The following NELL2 variants were observed in gnomAD, a reference collection of about 807,000 sequenced individuals.
NELL2 encodes protein kinase C-binding protein NELL2.
Under a neutral mutation model 109.6 loss-of-function variants are expected in NELL2, and 41 were observed. That is an observed-to-expected ratio of 0.37 (90% confidence interval 0.29 to 0.49). NELL2 has a LOEUF of 0.49. Among genes scored for constraint, NELL2 ranks in the 20% least tolerant of loss-of-function variants. The pLI, the probability that NELL2 is intolerant of heterozygous loss-of-function variation, is 0.98. For synonymous variants in NELL2, 355 were observed against 344.7 expected, an observed-to-expected ratio of 1.03 and a Z score of -0.33; for missense variants, 900 against 1,008.3, an observed-to-expected ratio of 0.89 and a Z score of 1.45.
At chr12:44,791,937 T>G (rs1942450773) in intron 3 of NELL2, among the ~76,000 whole-genome samples, 2 of 145,586 alleles carry the variant, frequency 1.4e-5, no homozygotes, top group Admixed American at 7.0e-5. Flanking sequence ...GCATAGGGAT[T>G]CCCTAGGGAA....
chr12:44,573,705 A>G (rs746452531), intron 15 of NELL2, among the ~76,000 whole-genome samples: 1 of 152,256 alleles, frequency 6.6e-6, no homozygotes, highest in Non-Finnish European at 1.5e-5. Context: ...AGTGATTAGA[A>G]TGAAACTAAT....
At chr12:44,801,847 G>A (rs1363417910) in intron 3 of NELL2, among the ~76,000 whole-genome samples, 1 of 151,858 alleles carries the variant, frequency 6.6e-6, no homozygotes, top group Admixed American at 6.6e-5. Flanking sequence ...CATTTAGTTG[G>A]CAAATATTTA....
intron 15 of NELL2, among the ~76,000 whole-genome samples, chr12:44,544,147 A>T (rs1465965137): frequency 6.6e-6 from 1 of 152,112 alleles, no homozygotes; most frequent in African/African-American, 2.4e-5. Context: ...AAGGTGGAAA[A>T]ATATATTGCT....
At chr12:44,735,159 TCTTA>T (rs1196700901) in intron 9 of NELL2, among the ~76,000 whole-genome samples, 1 of 152,162 alleles carries the variant, frequency 6.6e-6, no homozygotes, top group Non-Finnish European at 1.5e-5. Context: ...TACTGATTTA[TCTTA>T]CTTAATGAGC....
chr12:44,720,994 G>T (rs866697975), intron 9 of NELL2, among the ~76,000 whole-genome samples: 1 of 152,108 alleles, frequency 6.6e-6, no homozygotes, highest in African/African-American at 2.4e-5. Flanking sequence ...AGGAGGCAAA[G>T]GAGGATAAAA....
chr12:44,872,830 G>A (rs574703710), intron 2 of NELL2, among the ~76,000 whole-genome samples: 6 of 152,142 alleles, frequency 3.9e-5, no homozygotes, highest in Middle Eastern at 3.4e-3. Context: ...TGTATATACC[G>A]TACAAAATAT....
chr12:44,809,592 C>A (rs540653076), intron 3 of NELL2, among the ~76,000 whole-genome samples: 1 of 152,102 alleles, frequency 6.6e-6, no homozygotes, highest in East Asian at 1.9e-4. Flanking sequence ...TTAATATCAG[C>A]CTCTATTTAA....
chr12:44,866,751 A>G (rs905193095), intron 2 of NELL2, among the ~76,000 whole-genome samples: 2 of 152,112 alleles, frequency 1.3e-5, no homozygotes, highest in African/African-American at 4.8e-5. Flanking sequence ...AAGAAAAAAG[A>G]GAGAAGACTC....
intron 13 of NELL2, among the ~76,000 whole-genome samples, chr12:44,663,575 G>A (rs947695882): frequency 6.6e-6 from 1 of 152,058 alleles, no homozygotes; most frequent in Non-Finnish European, 1.5e-5. Flanking sequence ...TTCTTACAAA[G>A]GAATAGTTCT....
chr12:44,909,994 A>T (rs1027621771), intron 1 of NELL2, among the ~76,000 whole-genome samples: 35 of 152,056 alleles, frequency 2.3e-4, no homozygotes, highest in Non-Finnish European at 4.7e-4. Context: ...AAAATGGGTT[A>T]AAGATTTAAA....
At position 44,843,225 on chromosome 12, in the gene NELL2, T is replaced by C. The variant is rs376229005; in HGVS notation, c.185-27089A>G. The stretch of plus-strand genomic sequence containing the variant: ...AAAGCTCAACAATTAAAAAAAAAAC[T>C]AATTAGAAAGTAGAATAAATAATTA... On this transcript the variant is annotated intron_variant, in intron 2 of 19. Transcript: ENST00000429094. Among the ~76,000 whole-genome samples, 373 of 150,158 alleles carry C rather than the reference T, an allele frequency of 2.5e-3. 2 individuals carry two copies. The highest frequency in any genetic ancestry group is 3.5e-3 in the Middle Eastern group (1 of 284).
intron 13 of NELL2, among the ~76,000 whole-genome samples, chr12:44,614,510 T>G (rs1566021493): frequency 6.6e-6 from 1 of 152,044 alleles, no homozygotes; most frequent in Non-Finnish European, 1.5e-5. Context: ...GATTTCATAC[T>G]AGTGATGAGG....
Position 44,813,002 on chromosome 12 carries a change from G to C in NELL2, c.335+2984C>G, listed in dbSNP as rs141079417. ...TTTCTTATCTTTGAAATGAAAATAA[G>C]AGTGCTGATCTTGTATGATTATGAG... On this transcript the variant is annotated intron_variant, in intron 3 of 19. Transcript: ENST00000429094. 9.1e-4 allele frequency among the ~76,000 whole-genome samples: 139 copies of C among 152,248 alleles called. 3 individuals are homozygous for C. Among genetic ancestry groups the C allele is most frequent in the Admixed American group, 6.0e-3 (92 of 15,292 alleles).
chr12:44,852,303 T>C (rs1368424307), intron 2 of NELL2, among the ~76,000 whole-genome samples: 3 of 152,200 alleles, frequency 2.0e-5, no homozygotes, highest in African/African-American at 7.2e-5. Flanking sequence ...ACTTCTTCTA[T>C]CAAGACAGTG....
chr12:44,779,461 C>G lies in NELL2; in HGVS notation c.606+202G>C, dbSNP rs1244132053. Among the ~76,000 whole-genome samples the G allele has an allele frequency of 2.0e-5, 3 of 151,842 alleles. No individual in the cohort carries two copies. The East Asian group carries it at 5.8e-4, about 29-fold the overall frequency. On this transcript the variant is annotated intron_variant, in intron 5 of 19. Coordinates refer to ENST00000429094, the MANE Select transcript of NELL2 (RefSeq NM_001145108.2). The stretch of plus-strand genomic sequence containing the variant: ...AGCCTTGTGATCATTTCTGTAATAT[C>G]TAACAATTAAACTCATTGAAAAAAG...
Position 44,854,683 on chromosome 12 carries a change from G to GAT in NELL2, c.184+20541_184+20542insAT, listed in dbSNP as rs1212068898. On this transcript the variant is annotated intron_variant, in intron 2 of 19. Transcript: ENST00000429094. ...GGATGGATGGATGGATGGATGGATG[G>GAT]GTGGATGGATGGGTGGATGGATGGG... Among the ~76,000 whole-genome samples, 290 of 141,162 alleles carry GAT rather than the reference G, an allele frequency of 2.1e-3. 2 individuals are homozygous for GAT. Among genetic ancestry groups the GAT allele is most frequent in the East Asian group, 0.011 (51 of 4,708 alleles). 92.6% of individuals were successfully genotyped at this position (141,162 alleles called of 152,430 possible).
Position 44,800,811 on chromosome 12 carries a change from T to C in NELL2, c.335+15175A>G, listed in dbSNP as rs552979357. On this transcript the variant is annotated intron_variant, in intron 3 of 19. Coordinates refer to ENST00000429094, the MANE Select transcript of NELL2 (RefSeq NM_001145108.2). ...TATGGGCAGCAATAAAGGAAAAGCATTGATGCATGGAAGACAGCTAGAAGT... is the reference window on the plus strand; with the variant it reads ...TATGGGCAGCAATAAAGGAAAAGCACTGATGCATGGAAGACAGCTAGAAGT... Among the ~76,000 whole-genome samples the C allele has an allele frequency of 3.7e-4, 56 of 152,312 alleles. 2 individuals carry two copies. In the South Asian group the frequency reaches 0.011, roughly 30 times the overall value.
chr12:44,903,182 A>C (rs1945681682), intron 1 of NELL2, among the ~76,000 whole-genome samples: 1 of 152,230 alleles, frequency 6.6e-6, no homozygotes, highest in Non-Finnish European at 1.5e-5. Context: ...CAAGGAACTT[A>C]AACAATTTAC....
chr12:44,625,503 A>T (rs2136277862), intron 13 of NELL2, among the ~76,000 whole-genome samples: 1 of 152,096 alleles, frequency 6.6e-6, no homozygotes, highest in South Asian at 2.1e-4. Flanking sequence ...TTCGGCAGGT[A>T]CCCCTGCTAT....
Sources: allele counts gnomAD v4.1 joint callset (sites outside exome capture counted in the v4.1 genomes callset), GRCh38; gene constraint gnomAD v4.1.1; transcripts MANE v1.5; gene names NCBI Gene and HGNC (gene_info 2026-07-23, HGNC 2026-07-21).